NTF3: variants seen among roughly 807,000 people sequenced by gnomAD.
The protein encoded by NTF3 is neurotrophin-3.
Under a neutral mutation model 26.3 loss-of-function variants are expected in NTF3, and 8 were observed. The ratio of observed to expected loss-of-function variants is 0.30; its 90% CI spans 0.18 to 0.55. NTF3 has a LOEUF of 0.55. Among genes scored for constraint, NTF3 ranks in the 20% least tolerant of loss-of-function variants. The probability of loss-of-function intolerance (pLI) is 0.93; values close to 1 mark genes in which losing one functional copy is unlikely to be tolerated. For synonymous variants in NTF3, 154 were observed against 145.5 expected (o/e 1.06, Z -0.42); for missense variants, 276 against 352.9 (o/e 0.78, Z 1.75).
At chr12:5,436,837 C>A (rs1405143057) in intron 1 of NTF3, among the ~76,000 whole-genome samples, 1 of 152,184 alleles carries the variant, frequency 6.6e-6, no homozygotes, top group Non-Finnish European at 1.5e-5. Flanking sequence ...TCTTTAAGAT[C>A]TTTGAGCTAT....
At chr12:5,487,088 G>A (rs1940875816) in intron 1 of NTF3, among the ~76,000 whole-genome samples, 1 of 152,204 alleles carries the variant, frequency 6.6e-6, no homozygotes, top group African/African-American at 2.4e-5. Flanking sequence ...CATGACATGG[G>A]AGTTTGTGAT....
intron 1 of NTF3, among the ~76,000 whole-genome samples, chr12:5,435,393 C>T (rs1003306488): frequency 1.3e-5 from 2 of 152,138 alleles, no homozygotes; most frequent in South Asian, 2.1e-4. Flanking sequence ...AGACAGAGCT[C>T]GACGCTTGTT....
Position 5,473,032 on chromosome 12 carries a change from G to A in NTF3, c.19-21162G>A, listed in dbSNP as rs148311328. 3.4e-3 allele frequency among the ~76,000 whole-genome samples: 516 copies of A among 152,248 alleles called. 3 individuals are homozygous for A. Among genetic ancestry groups the A allele is most frequent in the Middle Eastern group, 6.8e-3 (2 of 294 alleles). On this transcript the variant is annotated intron_variant, in intron 1 of 1. Coordinates refer to ENST00000423158, the MANE Select transcript of NTF3 (RefSeq NM_001102654.2). Reference sequence around the variant, plus strand: ...GAAAGGCTCCAGCAGCAGAGTTCCCGTCTTGTTTAGTTCAAAAACAGCTCC... The same window carrying A: ...GAAAGGCTCCAGCAGCAGAGTTCCCATCTTGTTTAGTTCAAAAACAGCTCC...
At chr12:5,435,848 A>G (rs928781529) in intron 1 of NTF3, among the ~76,000 whole-genome samples, 2 of 152,166 alleles carry the variant, frequency 1.3e-5, no homozygotes, top group African/African-American at 4.8e-5. Flanking sequence ...GTGCGTGCAC[A>G]TGCACTTTGG....
intron 1 of NTF3, among the ~76,000 whole-genome samples, chr12:5,479,301 G>A (rs1484914203): frequency 6.6e-6 from 1 of 152,206 alleles, no homozygotes; most frequent in Non-Finnish European, 1.5e-5. Flanking sequence ...TAGTCAAGAG[G>A]ACATTCTTGC....
chr12:5,446,539 A>T (rs1451490665), intron 1 of NTF3, among the ~76,000 whole-genome samples: 4 of 152,158 alleles, frequency 2.6e-5, no homozygotes, highest in Non-Finnish European at 5.9e-5. Flanking sequence ...ATATTGAGAA[A>T]ATAGTAGTTC....
intron 1 of NTF3, among the ~76,000 whole-genome samples, chr12:5,439,920 A>AG (rs1432057088): frequency 6.6e-6 from 1 of 152,204 alleles, no homozygotes; most frequent in Non-Finnish European, 1.5e-5. Flanking sequence ...GTTGGGGGGC[A>AG]GGGGTCACTG....
In NTF3 at chr12:5,452,253, G is replaced by A. The variant is rs147504306; in HGVS notation, c.18+19911G>A. ...TGGGACTACAGGCGCCCGCCACCAC[G>A]CCCAGCTAATTTTTGTATTTTTAGT... On this transcript the variant is annotated intron_variant, in intron 1 of 1. Coordinates refer to ENST00000423158, the MANE Select transcript of NTF3 (RefSeq NM_001102654.2). 3.3e-3 allele frequency among the ~76,000 whole-genome samples: 506 copies of A among 151,842 alleles called. 4 individuals are homozygous for A. Among genetic ancestry groups the A allele is most frequent in the African/African-American group, 0.011 (463 of 41,426 alleles).
intron 1 of NTF3, among the ~76,000 whole-genome samples, chr12:5,481,150 G>T (rs900344940): frequency 6.6e-6 from 1 of 152,134 alleles, no homozygotes; most frequent in Non-Finnish European, 1.5e-5. Flanking sequence ...CAGGCTGCTA[G>T]CGCCGGGATG....
chr12:5,467,263 A>AAAAT (rs1940603905), intron 1 of NTF3, among the ~76,000 whole-genome samples: 1 of 126,980 alleles, frequency 7.9e-6, no homozygotes, highest in African/African-American at 3.1e-5. Flanking sequence ...AAAAAAAAAA[A>AAAAT]GTCGGGGGCT....
intron 1 of NTF3, among the ~76,000 whole-genome samples, chr12:5,481,822 A>G: frequency 6.9e-6 from 1 of 145,782 alleles, no homozygotes; most frequent in South Asian, 2.2e-4. Flanking sequence ...ACACATGCAC[A>G]CACATGCATA....
chr12:5,452,467 T>C (rs1940387727), intron 1 of NTF3, among the ~76,000 whole-genome samples: 1 of 152,236 alleles, frequency 6.6e-6, no homozygotes, highest in Non-Finnish European at 1.5e-5. Context: ...TACCACTCTT[T>C]AACCATTTTG....
At chr12:5,459,476 C>T (rs555317759) in intron 1 of NTF3, among the ~76,000 whole-genome samples, 2 of 152,346 alleles carry the variant, frequency 1.3e-5, no homozygotes, top group South Asian at 4.1e-4. Flanking sequence ...CTTCACACCC[C>T]AGCAAGAGGC....
intron 1 of NTF3, among the ~76,000 whole-genome samples, chr12:5,487,140 T>A (rs1467794530): frequency 3.9e-5 from 6 of 152,208 alleles, no homozygotes; most frequent in Non-Finnish European, 8.8e-5. Context: ...GGGGCTTGTG[T>A]CGGCATACCA....
chr12:5,443,809 A>G (rs1940269706), intron 1 of NTF3, among the ~76,000 whole-genome samples: 1 of 152,142 alleles, frequency 6.6e-6, no homozygotes, highest in Non-Finnish European at 1.5e-5. Context: ...GGAAACCTCC[A>G]GGGTGTTTAT....
intron 1 of NTF3, among the ~76,000 whole-genome samples, chr12:5,482,633 T>C (rs893137535): frequency 6.6e-6 from 1 of 151,654 alleles, no homozygotes; most frequent in African/African-American, 2.4e-5. Context: ...GAAGAGCCAC[T>C]GCCCAGTGTC....
At chr12:5,452,017 C>T (rs1264421136) in intron 1 of NTF3, among the ~76,000 whole-genome samples, 1 of 151,518 alleles carries the variant, frequency 6.6e-6, no homozygotes, top group Non-Finnish European at 1.5e-5. Flanking sequence ...AGGGGCTCAC[C>T]ATACAATATA....
At chr12:5,459,273 G>A (rs756529734) in intron 1 of NTF3, among the ~76,000 whole-genome samples, 1 of 152,142 alleles carries the variant, frequency 6.6e-6, no homozygotes, top group African/African-American at 2.4e-5. Context: ...CCTTGACCCT[G>A]ATAAAGTTTC....
chr12:5,435,576 T>C (rs1940157213), intron 1 of NTF3, among the ~76,000 whole-genome samples: 1 of 152,124 alleles, frequency 6.6e-6, no homozygotes, highest in Non-Finnish European at 1.5e-5. Flanking sequence ...TGTTGTTTCT[T>C]GTGTGGGGTG....
Sources: allele counts gnomAD v4.1 joint callset (sites outside exome capture counted in the v4.1 genomes callset), GRCh38; gene constraint gnomAD v4.1.1; transcripts MANE v1.5; gene names NCBI Gene and HGNC (gene_info 2026-07-23, HGNC 2026-07-21).